Variants in TMEM144 observed in about 807,000 individuals in gnomAD.
TMEM144 encodes transmembrane protein 144.
Under a neutral mutation model 43.6 loss-of-function variants are expected in TMEM144, and 39 were observed. The observed-to-expected ratio is 0.90, with a 90% CI of 0.69 to 1.17. The LOEUF (loss-of-function observed/expected upper bound fraction) is 1.17. Ranked by LOEUF, TMEM144 falls within the 50% of genes most tolerant of loss-of-function variation. The pLI is 0.00. For missense variants in TMEM144, 417 were observed against 411.9 expected, an observed-to-expected ratio of 1.01 and a Z score of -0.11; for synonymous variants, 154 against 133.6, an observed-to-expected ratio of 1.15 and a Z score of -1.06.
intron 6 of TMEM144, among the ~76,000 whole-genome samples, chr4:158,231,235 A>G (rs542303418): frequency 5.3e-5 from 8 of 152,154 alleles, no homozygotes; most frequent in African/African-American, 1.9e-4. Flanking sequence ...GGTTTTGAGG[A>G]AGAGGGATTC....
chr4:158,245,757 C>T (rs548495081), intron 12 of TMEM144, among the ~76,000 whole-genome samples: 1 of 152,080 alleles, frequency 6.6e-6, no homozygotes, highest in African/African-American at 2.4e-5. Context: ...AAACCGCTAT[C>T]TCTACAAAAA....
chr4:158,244,525 G>T (rs776320428), intron 12 of TMEM144, among the ~76,000 whole-genome samples, 176 bp downstream of exon 12: 3 of 152,056 alleles, frequency 2.0e-5, no homozygotes, highest in African/African-American at 4.8e-5. Context: ...CAAAAAATTA[G>T]CTGGGTGTGG....
At chr4:158,244,141 A>G (rs946884764) in intron 11 of TMEM144, among the ~76,000 whole-genome samples, 155 bp from the exon 12 acceptor site, 7 of 152,318 alleles carry the variant, frequency 4.6e-5, no homozygotes, top group Middle Eastern at 3.4e-3. Context: ...TTTACTTAAT[A>G]TCACCTAAAG....
intron 12 of TMEM144, among the ~76,000 whole-genome samples, chr4:158,248,651 T>C (rs1447566389): frequency 6.6e-6 from 1 of 152,150 alleles, no homozygotes; most frequent in Non-Finnish European, 1.5e-5. Flanking sequence ...AGTATTTTTG[T>C]AGAAACAGGA....
At chr4:158,215,450 T>C (rs2111101802) in intron 4 of TMEM144, 137 bp downstream of exon 4, 2 of 1,102,108 alleles carry the variant, frequency 1.8e-6, no homozygotes, top group South Asian at 4.5e-5. Context: ...AACTAGTTTC[T>C]TGCCTTCACA....
chr4:158,251,730 C>T (rs56297714), intron 12 of TMEM144, among the ~76,000 whole-genome samples: 4,470 of 152,182 alleles, frequency 0.029, 148 homozygotes, highest in African/African-American at 0.088. Flanking sequence ...CACCACAGTT[C>T]TGAGAAATTG....
At chr4:158,211,664 A>T (rs1313411322) in intron 2 of TMEM144, 90 bp downstream of exon 2, 1 of 152,204 alleles carries the variant, frequency 6.6e-6, no homozygotes, top group African/African-American at 2.4e-5. Context: ...TCAATGTTGA[A>T]ATGTGCCTCA....
rs776204089 is a variant in TMEM144 at position 158,232,945 on chromosome 4, C to T, written c.458C>T (p.Thr153Met). 6.8e-6 allele frequency: 11 copies of T among 1,611,648 alleles called. No individual in the cohort carries two copies. In the East Asian group the frequency reaches 8.9e-5, roughly 13 times the overall value. Reference sequence around the variant, plus strand: ...ATCAAAAGTGAAATACCAAATAACACGTGTTCCATGGATACCACTCCATTA... The same window carrying T: ...ATCAAAAGTGAAATACCAAATAACATGTGTTCCATGGATACCACTCCATTA... ...LFIKSEIPNN[T>M]CSMDTTPLIT... Residue 153 changes from threonine to methionine, a missense_variant, in exon 7 of 13, where the codon ACG becomes ATG. Physicochemically the swap from Thr to Met is moderately conservative, Grantham distance 81. Transcript: ENST00000296529.
At chr4:158,253,270 A>C (rs1328564584) in intron 12 of TMEM144, among the ~76,000 whole-genome samples, 174 bp from the exon 13 acceptor site, 1 of 152,212 alleles carries the variant, frequency 6.6e-6, no homozygotes, top group African/African-American at 2.4e-5. Flanking sequence ...GGAATGGGTG[A>C]ATTCATAAGG....
At chr4:158,237,113 G>A (rs924160538) in intron 8 of TMEM144, among the ~76,000 whole-genome samples, 3 of 152,154 alleles carry the variant, frequency 2.0e-5, no homozygotes, top group African/African-American at 7.2e-5. Context: ...CTAGTTCTGT[G>A]CTGGATAGCA....
chr4:158,211,823 A>G (rs376124920), intron 2 of TMEM144: 2 of 152,184 alleles, frequency 1.3e-5, no homozygotes, highest in South Asian at 2.1e-4. Flanking sequence ...TTTCAGTTAA[A>G]CTATCTTTAA....
At chr4:158,230,626 C>T (rs1233896213) in intron 6 of TMEM144, among the ~76,000 whole-genome samples, 1 of 151,360 alleles carries the variant, frequency 6.6e-6, no homozygotes, top group African/African-American at 2.4e-5. Flanking sequence ...CATATTTACA[C>T]AAATATGTGT....
At chr4:158,215,124 G>T in intron 3 of TMEM144, 67 bp from the exon 4 acceptor site, 1 of 1,603,528 alleles carries the variant, frequency 6.2e-7, no homozygotes, top group Non-Finnish European at 8.5e-7. Flanking sequence ...TCACCTCATA[G>T]ATATTCCTGA....
At chr4:158,228,173 T>G (rs1734871057) in intron 6 of TMEM144, among the ~76,000 whole-genome samples, 1 of 152,196 alleles carries the variant, frequency 6.6e-6, no homozygotes, top group South Asian at 2.1e-4. Flanking sequence ...AGGCACACCG[T>G]GGGTGATCAG....
intron 4 of TMEM144, 83 bp downstream of exon 4, chr4:158,215,396 A>G (rs1246338686): frequency 1.3e-6 from 2 of 1,503,400 alleles, no homozygotes; most frequent in Non-Finnish European, 1.8e-6. Context: ...GAAATAGCGC[A>G]AACAGTGATT....
intron 10 of TMEM144, among the ~76,000 whole-genome samples, chr4:158,240,952 G>T (rs1038991984): frequency 6.6e-6 from 1 of 152,088 alleles, no homozygotes; most frequent in Non-Finnish European, 1.5e-5. Context: ...TGGAATGTAG[G>T]TCCACAAGTA....
chr4:158,212,991 G>A (rs1012849942), intron 3 of TMEM144: 13 of 587,356 alleles, frequency 2.2e-5, no homozygotes, highest in Non-Finnish European at 3.9e-5. Flanking sequence ...AAGTTAGGGA[G>A]GGTACAGTCA....
At chr4:158,252,180 T>C (rs1425119742) in intron 12 of TMEM144, among the ~76,000 whole-genome samples, 1 of 152,204 alleles carries the variant, frequency 6.6e-6, no homozygotes, top group Non-Finnish European at 1.5e-5. Context: ...TATTTCTACT[T>C]AACACAGGAA....
Position 158,245,215 on chromosome 4 carries a change from T to A in TMEM144, c.954+866T>A, listed in dbSNP as rs958582732. 4.8e-4 allele frequency among the ~76,000 whole-genome samples: 28 copies of A among 58,776 alleles called. No homozygotes were observed. The South Asian group carries it at 5.4e-3, about 11-fold the overall frequency. 38.6% of individuals were successfully genotyped at this position (58,776 alleles called of 152,430 possible). A position where few individuals can be genotyped will look rare whatever the true frequency, so the allele number is the denominator to read the frequency against. ...ATTCATCAAATAGTTCTAGTAAGAG[T>A]GTGTGTGTGTGTGTGTGTGTGTGTG... On this transcript the variant is annotated intron_variant, in intron 12 of 12. Coordinates refer to ENST00000296529, the MANE Select transcript of TMEM144 (RefSeq NM_018342.5).
Sources: gnomAD v4.1 joint callset for allele counts (sites outside exome capture counted in the v4.1 genomes callset) on GRCh38, gnomAD v4.1.1 for gene constraint, MANE v1.5 for transcripts, NCBI Gene and HGNC (gene_info 2026-07-23, HGNC 2026-07-21) for gene names.